ANKRD17: variants seen among roughly 807,000 people sequenced by gnomAD.
The protein encoded by ANKRD17 is ankyrin repeat domain 17.
A neutral mutation model predicts 229.7 loss-of-function variants in ANKRD17; 19 were observed. That is an observed-to-expected ratio of 0.08 (90% CI 0.06 to 0.12). The LOEUF (loss-of-function observed/expected upper bound fraction) is 0.12, where lower values mean the gene tolerates loss of function less well. ANKRD17 is among the 10% of genes least tolerant of loss of function. The pLI is 1.00. For synonymous variants in ANKRD17, 1,112 were observed against 1,146.1 expected (o/e 0.97, Z 0.60); for missense variants, 2,176 against 3,176.8 (o/e 0.68, Z 7.57).
chr4:73,086,765 T>G (rs1722166904), intron 29 of ANKRD17, among the ~76,000 whole-genome samples: 1 of 150,268 alleles, frequency 6.7e-6, no homozygotes, highest in Admixed American at 6.6e-5. Flanking sequence ...TATTTTTGTT[T>G]TACCTTTTAT....
chr4:73,245,926 T>C (rs1250435397), intron 1 of ANKRD17, among the ~76,000 whole-genome samples: 1 of 152,176 alleles, frequency 6.6e-6, no homozygotes, highest in African/African-American at 2.4e-5. Context: ...ACCAACAAAC[T>C]ACATTACTGG....
rs548675115 is a variant in ANKRD17, at chr4:73,258,529, G to A, written c.140C>T (p.Ser47Leu). ...CACCATCCCACGAGGAGACGAGGCC[G>A]AGCGAGCTCTGCTGCTGCCGCCAAC... ...GGVGGSSRAR[S>L]ASSPRGMVRV... is the part of the protein sequence containing the mutation. The change falls in exon 1 of 34, where the codon TCG becomes TTG. Residue 47 changes from serine (S) to leucine (L), a missense_variant. By Grantham distance (145) the Ser-to-Leu change is moderately radical. Around this residue, in one of 18 missense-constraint regions of ANKRD17, gnomAD observed 196 missense variants for 190.0 expected, o/e 1.03. Transcript: ENST00000358602. 3.3e-6 allele frequency: 5 copies of A among 1,532,322 alleles called. No homozygotes were observed. In the African/African-American group the frequency reaches 4.2e-5, roughly 13 times the overall value. The allele number at this position is 1,532,322 out of a possible 1,614,324, so 94.9% of individuals were successfully genotyped here.
intron 1 of ANKRD17, among the ~76,000 whole-genome samples, chr4:73,212,519 T>C (rs1413877372): frequency 1.4e-4 from 21 of 152,140 alleles, no homozygotes; most frequent in Non-Finnish European, 1.5e-5. Context: ...AGCATATTTC[T>C]ATCTAGAGCT....
In ANKRD17 at chr4:73,177,411, C is replaced by T; in HGVS notation, c.516G>A (p.Gln172=). 1.2e-6 allele frequency: 2 copies of T among 1,611,988 alleles called. No homozygotes were observed. Among genetic ancestry groups the T allele is most frequent in the Non-Finnish European group, 1.7e-6 (2 of 1,178,554 alleles). Residue 172 remains glutamine (Q), a synonymous_variant, in exon 2 of 34, where the codon CAG becomes CAA. Transcript: ENST00000358602. The part of the protein sequence containing the change: ...ADLRTVDPET[Q]ARLEALLEAA... ...CTTCTAGTAAAGCTTCCAGTCTAGC[C>T]TGTGTTTCTGGATCTACTGTCCTGA...
chr4:73,078,772 A>G lies in ANKRD17; in HGVS notation c.7278T>C (p.Pro2426=), dbSNP rs762423534. The G allele has an allele frequency of 1.9e-6, 3 of 1,614,126 alleles. No individual in the cohort carries two copies. The highest frequency in any genetic ancestry group is 1.6e-4 in the Middle Eastern group (1 of 6,062). The part of the protein sequence containing the change: ...NVSQDRKVPV[P]IGTERSARIR... ...TACGTGCAGAACGTTCAGTCCCAAT[A>G]GGGACTGGAACTTTCCTGTCCTGAG... is the stretch of plus-strand genomic sequence containing the variant. Residue 2426 remains proline (P), a synonymous_variant, in exon 31 of 34, where the codon CCT becomes CCC. Transcript: ENST00000358602.
chr4:73,145,340 A>T (rs940265785), intron 10 of ANKRD17, among the ~76,000 whole-genome samples: 1 of 152,120 alleles, frequency 6.6e-6, no homozygotes, highest in Non-Finnish European at 1.5e-5. Flanking sequence ...AGTTTCCCTT[A>T]TACAAAAATG....
chr4:73,182,226 C>A, intron 1 of ANKRD17, among the ~76,000 whole-genome samples: 1 of 151,864 alleles, frequency 6.6e-6, no homozygotes, highest in African/African-American at 2.4e-5. Context: ...ATCAAAGTTA[C>A]AACTGGCCTT....
chr4:73,170,824 C>T (rs1733890834), intron 2 of ANKRD17, among the ~76,000 whole-genome samples: 1 of 152,172 alleles, frequency 6.6e-6, no homozygotes, highest in Non-Finnish European at 1.5e-5. Flanking sequence ...GACTGTATAT[C>T]GTGGTTTGAG....
In ANKRD17 at chr4:73,085,269, G is replaced by A. The variant is rs1265619607; in HGVS notation, c.7139C>T (p.Pro2380Leu). Reference sequence around the variant, plus strand: ...CTCACCATTTGATGCTGATGAACACGGAGTCAACAAACTAAGCGGGGAAAA... The same window carrying A: ...CTCACCATTTGATGCTGATGAACACAGAGTCAACAAACTAAGCGGGGAAAA... ...QHFSPLSLLT[P>L]CSSASNDSSA... Residue 2380 changes from proline to leucine, a missense_variant, in exon 30 of 34, where the codon CCG (proline) becomes CTG (leucine). Pro to Leu is a moderately conservative substitution (Grantham distance 98, BLOSUM62 -3). This residue lies in a region of ANKRD17 where 87 missense variants were observed against 116.0 expected (regional missense o/e 0.75). Coordinates refer to ENST00000358602, the MANE Select transcript of ANKRD17 (RefSeq NM_032217.5). The A allele has an allele frequency of 4.3e-6, 7 of 1,614,050 alleles. No individual in the cohort carries two copies. Among genetic ancestry groups the A allele is most frequent in the South Asian group, 2.2e-5 (2 of 91,076 alleles).
Position 73,091,685 on chromosome 4 carries a change from A to G in ANKRD17, c.5943T>C (p.Pro1981=), listed in dbSNP as rs767435778. Residue 1981 remains proline, a synonymous_variant, in exon 29 of 34, where the codon CCT becomes CCC. Coordinates refer to ENST00000358602, the MANE Select transcript of ANKRD17 (RefSeq NM_032217.5). ...TTTSSSASTV[P]GTSTNGSPSS... ...TTGGACTGCCATTTGTAGATGTACCAGGCACCGTTGAAGCTGATGAACTGG... is the reference window on the plus strand; with the variant it reads ...TTGGACTGCCATTTGTAGATGTACCGGGCACCGTTGAAGCTGATGAACTGG... 4.3e-6 allele frequency: 7 copies of G among 1,614,214 alleles called. No homozygotes were observed. In the Admixed American group the frequency reaches 1.0e-4, roughly 23 times the overall value.
chr4:73,166,886 G>A (rs578218390), intron 2 of ANKRD17, among the ~76,000 whole-genome samples: 1 of 152,054 alleles, frequency 6.6e-6, no homozygotes, highest in African/African-American at 2.4e-5. Context: ...TGTAAACCTG[G>A]TTTGGATCCT....
At chr4:73,142,000 T>C (rs1222672824) in intron 13 of ANKRD17, among the ~76,000 whole-genome samples, 157 bp from the exon 14 acceptor site, 2 of 152,232 alleles carry the variant, frequency 1.3e-5, no homozygotes, top group Admixed American at 6.5e-5. Flanking sequence ...CACCAAATTG[T>C]TTACCACGAC....
intron 1 of ANKRD17, among the ~76,000 whole-genome samples, chr4:73,218,448 G>T (rs1053450767): frequency 1.3e-5 from 2 of 151,972 alleles, no homozygotes; most frequent in Non-Finnish European, 2.9e-5. Context: ...TTAGTGACCA[G>T]CCTGGCCAAC....
chr4:73,221,651 C>A (rs1261291461), intron 1 of ANKRD17, among the ~76,000 whole-genome samples: 1 of 152,106 alleles, frequency 6.6e-6, no homozygotes, highest in African/African-American at 2.4e-5. Flanking sequence ...AAAGTTTATA[C>A]TACTATTTCT....
chr4:73,182,993 A>C lies in ANKRD17; in HGVS notation c.394-5460T>G, dbSNP rs192186831. ...AAAATTAAAAACAACAACAACAAAA[A>C]TCATGAAGGAGAAAGAGGTTGAGAA... is the stretch of plus-strand genomic sequence containing the variant. On this transcript the variant is annotated intron_variant, in intron 1 of 33. Coordinates refer to ENST00000358602, the MANE Select transcript of ANKRD17 (RefSeq NM_032217.5). Among the ~76,000 whole-genome samples, 662 of 152,280 alleles carry C rather than the reference A, an allele frequency of 4.3e-3. 8 individuals carry two copies. The highest frequency in any genetic ancestry group is 0.043 in the South Asian group (207 of 4,822).
intron 1 of ANKRD17, among the ~76,000 whole-genome samples, chr4:73,231,755 G>T (rs191834480): frequency 1.3e-5 from 2 of 152,278 alleles, no homozygotes; most frequent in East Asian, 3.9e-4. Flanking sequence ...AGATTAAATG[G>T]TTGGGATTTT....
At chr4:73,232,729 CT>C (rs1743167524) in intron 1 of ANKRD17, among the ~76,000 whole-genome samples, 1 of 151,924 alleles carries the variant, frequency 6.6e-6, no homozygotes, top group African/African-American at 2.4e-5. Flanking sequence ...AATACCCCCC[CT>C]TTTTATTTTT....
chr4:73,198,248 G>A (rs1423661732), intron 1 of ANKRD17, among the ~76,000 whole-genome samples: 1 of 152,094 alleles, frequency 6.6e-6, no homozygotes, highest in Non-Finnish European at 1.5e-5. Context: ...CCATTACCTA[G>A]TGATAAAATA....
chr4:73,098,757 C>G, intron 25 of ANKRD17: 1 of 1,045,584 alleles, frequency 9.6e-7, no homozygotes, highest in Non-Finnish European at 1.5e-6. Context: ...ATTTCTGGTG[C>G]TGGCGTGGCT....
Sources: gnomAD v4.1 joint callset for allele counts (sites outside exome capture counted in the v4.1 genomes callset) on GRCh38, gnomAD v4.1.1 for gene constraint, gnomAD v4.1.1 regional missense constraint, MANE v1.5 for transcripts, NCBI Gene and HGNC (gene_info 2026-07-23, HGNC 2026-07-21) for gene names.